Variants in PDE12 observed in about 807,000 individuals in gnomAD.
PDE12 encodes the protein 2',5'-phosphodiesterase 12.
PDE12 carries 26 observed loss-of-function variants against 45.4 expected under a neutral mutation model. That is an observed-to-expected ratio of 0.57 (90% CI 0.42 to 0.79). PDE12 has a LOEUF of 0.79. Among genes scored for constraint, PDE12 ranks in the 30% least tolerant of loss-of-function variants. The probability of loss-of-function intolerance (pLI) is 0.00; values close to 1 mark genes in which losing one functional copy is unlikely to be tolerated. For synonymous variants in PDE12, 283 were observed against 323.9 expected (o/e 0.87, Z 1.36); for missense variants, 668 against 790.0 (o/e 0.85, Z 1.85).
chr3:57,632,655 GC>G, the PDE12 span, among the ~76,000 whole-genome samples: 4 of 152,112 alleles, frequency 2.6e-5, no homozygotes, highest in Admixed American at 6.6e-5. Context: ...ATTAATAACT[GC>G]AAAAAGTTTC....
At chr3:57,627,847 AGTTTTAACAT>A in the PDE12 span, 1 of 171,740 alleles carries the variant, frequency 5.8e-6, no homozygotes, top group Non-Finnish European at 1.3e-5. Flanking sequence ...TATCCCCCTG[AGTTTTAACAT>A]GATTGGGCAA....
downstream of PDE12, among the ~76,000 whole-genome samples, chr3:57,571,170 A>G (rs2069838938): frequency 6.6e-6 from 1 of 152,006 alleles, no homozygotes; most frequent in Non-Finnish European, 1.5e-5. Flanking sequence ...CTGACTTTAG[A>G]AAACTATGTT....
At chr3:57,595,202 CT>C in the PDE12 span, among the ~76,000 whole-genome samples, 1 of 152,092 alleles carries the variant, frequency 6.6e-6, no homozygotes, top group Non-Finnish European at 1.5e-5. Flanking sequence ...TTCCTTGCCC[CT>C]CTGATACTTT....
At chr3:57,656,249 G>C in the PDE12 span, among the ~76,000 whole-genome samples, 2 of 152,006 alleles carry the variant, frequency 1.3e-5, no homozygotes, top group Non-Finnish European at 2.9e-5. Context: ...ATCTTTTCCA[G>C]AACATCATAT....
the PDE12 span, among the ~76,000 whole-genome samples, chr3:57,611,237 A>T: frequency 6.6e-6 from 1 of 152,216 alleles, no homozygotes; most frequent in African/African-American, 2.4e-5. Flanking sequence ...TTAAGTCAAG[A>T]TGGATTAAAG....
chr3:57,605,105 A>G, the PDE12 span, among the ~76,000 whole-genome samples: 1,581 of 152,264 alleles, frequency 0.01, 18 homozygotes, highest in African/African-American at 0.036. Context: ...CCTAAAAGAG[A>G]AGGCACAAAT....
the PDE12 span, among the ~76,000 whole-genome samples, chr3:57,636,508 T>C: frequency 6.6e-6 from 1 of 151,770 alleles, no homozygotes; most frequent in African/African-American, 2.4e-5. Context: ...GAAATGACAA[T>C]ATGGAGGGAA....
At chr3:57,646,333 A>G in the PDE12 span, 2 of 1,613,274 alleles carry the variant, frequency 1.2e-6, no homozygotes, top group Admixed American at 3.3e-5. Context: ...GTGCCAATAC[A>G]GTCTCTGATG....
chr3:57,645,651 T>C, the PDE12 span: 5 of 1,597,240 alleles, frequency 3.1e-6, no homozygotes, highest in South Asian at 5.6e-5. Context: ...TAGAAGTTAT[T>C]TTTACTTACG....
the PDE12 span, among the ~76,000 whole-genome samples, chr3:57,579,040 TA>T: frequency 6.6e-6 from 1 of 152,044 alleles, no homozygotes; most frequent in Non-Finnish European, 1.5e-5. Flanking sequence ...CTTTCGCCTG[TA>T]ATCCCAGCAT....
the PDE12 span, among the ~76,000 whole-genome samples, chr3:57,618,563 AG>A: frequency 6.7e-6 from 1 of 148,962 alleles, no homozygotes; most frequent in South Asian, 2.1e-4. Context: ...CTGGGACTAC[AG>A]GCATGAACCA....
At chr3:57,581,652 T>A in the PDE12 span, among the ~76,000 whole-genome samples, 1 of 152,002 alleles carries the variant, frequency 6.6e-6, no homozygotes, top group Non-Finnish European at 1.5e-5. Context: ...AATACAAAAT[T>A]AGCCAGGTGT....
the PDE12 span, among the ~76,000 whole-genome samples, chr3:57,584,683 A>C: frequency 6.6e-6 from 1 of 152,148 alleles, no homozygotes; most frequent in African/African-American, 2.4e-5. Flanking sequence ...AGCATGTACT[A>C]GTAAAAGGTA....
chr3:57,556,999 A>T lies in PDE12; in HGVS notation c.620A>T (p.Glu207Val). 6.2e-7 allele frequency: 1 copy of T among 1,614,076 alleles called. No homozygotes were observed. Among genetic ancestry groups the T allele is most frequent in the Non-Finnish European group, 8.5e-7 (1 of 1,180,018 alleles). The change falls in exon 1 of 3, where the codon GAG becomes GTG. Residue 207 changes from glutamate (E) to valine (V), a missense_variant. This residue lies in a region of PDE12 where 580 missense variants were observed against 662.9 expected (regional missense o/e 0.87). Coordinates refer to ENST00000311180, the MANE Select transcript of PDE12 (RefSeq NM_177966.7). The surrounding 1 kb of genome is among the most constrained non-coding windows in gnomAD (Gnocchi z 5.0). ...WYKEAKPGAA[E>V]PEVGVPSSLS... ...AAGGAAGCCAAGCCCGGAGCGGCGG[A>T]GCCCGAGGTCGGTGTCCCCTCGTCA...
At chr3:57,615,632 C>T in the PDE12 span, among the ~76,000 whole-genome samples, 120 of 152,082 alleles carry the variant, frequency 7.9e-4, 1 homozygote, top group African/African-American at 2.4e-3. Flanking sequence ...GGTGAAACCT[C>T]GTCTCTACTA....
At chr3:57,630,644 A>T in the PDE12 span, 16 of 1,552,876 alleles carry the variant, frequency 1.0e-5, no homozygotes, top group Non-Finnish European at 1.3e-5. Flanking sequence ...GAATAAGCTT[A>T]AGTTTAGCTT....
At chr3:57,594,098 A>C in the PDE12 span, among the ~76,000 whole-genome samples, 1 of 152,140 alleles carries the variant, frequency 6.6e-6, no homozygotes, top group Non-Finnish European at 1.5e-5. Flanking sequence ...TCTACTAAAA[A>C]TACAAACATT....
the PDE12 span, among the ~76,000 whole-genome samples, chr3:57,619,189 A>C: frequency 6.6e-6 from 1 of 151,986 alleles, no homozygotes; most frequent in African/African-American, 2.4e-5. Flanking sequence ...TTTACTAAAA[A>C]TACAAAAAAT....
the PDE12 span, chr3:57,619,562 C>T: frequency 6.6e-6 from 1 of 152,008 alleles, no homozygotes; most frequent in Non-Finnish European, 1.5e-5. Flanking sequence ...GGCATCTAAC[C>T]ATCGTTACTT....
Sources: allele counts gnomAD v4.1 joint callset (sites outside exome capture counted in the v4.1 genomes callset), GRCh38; gene constraint gnomAD v4.1.1; regional missense constraint gnomAD v4.1.1; non-coding constraint Gnocchi (gnomAD v3.1); transcripts MANE v1.5; gene names NCBI Gene and HGNC (gene_info 2026-07-23, HGNC 2026-07-21).